The following LSG1 variants were observed in gnomAD, a reference collection of about 807,000 sequenced individuals.
The protein encoded by LSG1 is large subunit GTPase 1 homolog.
LSG1 carries 55 observed loss-of-function variants against 82.6 expected under a neutral mutation model. That is an observed-to-expected ratio of 0.67 (90% CI 0.54 to 0.83). The LOEUF is 0.83. Among genes scored for constraint, LSG1 ranks in the 40% least tolerant of loss-of-function variants. LSG1 has a pLI of 0.00. For synonymous variants in LSG1, 272 were observed against 282.5 expected (o/e 0.96, Z 0.37); for missense variants, 809 against 807.9 (o/e 1.00, Z -0.02).
rs71179379 is a variant in LSG1 at position 194,644,383 on chromosome 3, AAAATAAAT to A, written c.1797+182_1797+189del. ...GACTCCGTCTCAAAAAAAAAAAATA[AAAATAAAT>A]AAATAAATAAATAAATAAATAAATA... On this transcript the variant is annotated intron_variant, in intron 13 of 13. Transcript: ENST00000265245. Among the ~76,000 whole-genome samples the A allele has an allele frequency of 1.2e-3, 161 of 132,922 alleles. 6 individuals are homozygous for A. The highest frequency in any genetic ancestry group is 5.2e-3 in the East Asian group (24 of 4,646). 87.2% of individuals were successfully genotyped at this position (132,922 alleles called of 152,430 possible).
intron 5 of LSG1, among the ~76,000 whole-genome samples, chr3:194,664,234 T>C (rs1387825686): frequency 6.6e-6 from 1 of 152,194 alleles, no homozygotes; most frequent in Non-Finnish European, 1.5e-5. Context: ...ATCACAGGTG[T>C]GAGCCACCGC....
intron 10 of LSG1, among the ~76,000 whole-genome samples, chr3:194,649,585 G>C (rs1718629885): frequency 6.6e-6 from 1 of 151,842 alleles, no homozygotes; most frequent in African/African-American, 2.4e-5. Context: ...AGCTACTCGG[G>C]AGGCTGAGGC....
At chr3:194,667,714 G>A (rs2667504) in intron 2 of LSG1, among the ~76,000 whole-genome samples, 96,594 of 150,190 alleles carry the variant, frequency 0.64, 31,783 homozygotes, top group East Asian at 0.87. Flanking sequence ...ACAAGGTCAC[G>A]AGTTCGAGAC....
chr3:194,646,060 G>GA (rs1256030735), intron 12 of LSG1, 104 bp downstream of exon 12: 1 of 1,142,548 alleles, frequency 8.8e-7, no homozygotes, highest in African/African-American at 1.5e-5. Flanking sequence ...CAGTTTCAAT[G>GA]AAAAAATATT....
At chr3:194,644,315 T>C (rs996052275) in intron 13 of LSG1, among the ~76,000 whole-genome samples, 19 of 147,128 alleles carry the variant, frequency 1.3e-4, no homozygotes, top group African/African-American at 2.7e-4. Context: ...TGAGCCAAGA[T>C]TGCGCCACTG....
chr3:194,651,387 ATATT>A, intron 8 of LSG1, 171 bp from the exon 9 acceptor site: 1 of 600,388 alleles, frequency 1.7e-6, no homozygotes, highest in Non-Finnish European at 3.0e-6. Context: ...TGGTGTGGGT[ATATT>A]TATTCAGACA....
At position 194,665,588 on chromosome 3, in the gene LSG1, A is replaced by G; in HGVS notation, c.490T>C (p.Trp164Arg). The change falls in exon 5 of 14, where the codon TGG becomes CGG. Residue 164 changes from tryptophan (W) to arginine (R), a missense_variant. Physicochemically the swap from Trp to Arg is moderately radical, Grantham distance 101 (BLOSUM62 -3). Coordinates refer to ENST00000265245, the MANE Select transcript of LSG1 (RefSeq NM_018385.3). The stretch of plus-strand genomic sequence containing the variant: ...TCAATGACTCTCCAGAGCTGGCGCC[A>G]AAAGTCCAAATTTCGTTCAAATGGA... ...LTPFERNLDF[W>R]RQLWRVIERS... The G allele has an allele frequency of 6.2e-7, 1 of 1,613,350 alleles. No homozygotes were observed. The highest frequency in any genetic ancestry group is 8.5e-7 in the Non-Finnish European group (1 of 1,179,702).
rs377130240 is a variant in LSG1 at position 194,658,961 on chromosome 3, G to A, written c.755C>T (p.Ser252Phe). 1 of 1,612,278 alleles carries A rather than the reference G, an allele frequency of 6.2e-7. No individual in the cohort carries two copies. Among genetic ancestry groups the A allele is most frequent in the African/African-American group, 1.3e-5 (1 of 74,884 alleles). ...LAGAIPLNGD[S>F]EEEANRDDRQ... ...CTAAAATGTCCCTCAGGTTACCTCA[G>A]AGTCACCATTCAGGGGAATGGCTCC... The change falls in exon 7 of 14, where the codon TCT becomes TTT. Residue 252 changes from serine (S) to phenylalanine (F), a missense_variant. Physicochemically the swap from Ser to Phe is radical, Grantham distance 155 (BLOSUM62 -2). Transcript: ENST00000265245.
chr3:194,670,069 G>C lies in LSG1; in HGVS notation c.166C>G (p.Gln56Glu). 6.2e-7 allele frequency: 1 copy of C among 1,613,724 alleles called. No homozygotes were observed. The stretch of plus-strand genomic sequence containing the variant: ...GCAAGGAAGTCATCAAGGGAGCTCT[G>C]TTCAGTCACTGACTGAAGATTAAGA... The part of the protein sequence containing the change: ...GRLNLQSVTE[Q>E]SSLDDFLATA... The change falls in exon 2 of 14, where the codon CAG becomes GAG. Residue 56 changes from glutamine (Q) to glutamate (E), a missense_variant. Physicochemically the swap from Gln to Glu is conservative, Grantham distance 29. Transcript: ENST00000265245.
At chr3:194,657,166 GA>G (rs1443111183) in intron 7 of LSG1, among the ~76,000 whole-genome samples, 2 of 119,764 alleles carry the variant, frequency 1.7e-5, no homozygotes, top group African/African-American at 6.5e-5. Flanking sequence ...AAATTAAAAA[GA>G]AAAAAAAGGC....
intron 7 of LSG1, among the ~76,000 whole-genome samples, chr3:194,657,182 T>A (rs1718808180): frequency 1.5e-5 from 1 of 68,314 alleles, no homozygotes. Context: ...AAAGGCAACC[T>A]TAAAAAAAAA....
At position 194,645,541 on chromosome 3, in the gene LSG1, C is replaced by CACACACAG. The variant is rs1718517107; in HGVS notation, c.1623+622_1623+623insCTGTGTGT. Reference sequence around the variant, plus strand: ...ACACACACACACACAGACAGACACACACACACACACACACACACACACACA... The same window carrying CACACACAG: ...ACACACACACACACAGACAGACACACACACACAGACACACACACACACACACACACACA... On this transcript the variant is annotated intron_variant, in intron 12 of 13. Coordinates refer to ENST00000265245, the MANE Select transcript of LSG1 (RefSeq NM_018385.3). 3.4e-4 allele frequency: 14 copies of CACACACAG among 40,742 alleles called. 1 individual carries two copies. Among genetic ancestry groups the CACACACAG allele is most frequent in the African/African-American group, 1.1e-3 (12 of 10,522 alleles). The allele number at this position is 40,742 out of a possible 1,614,324, so 2.5% of individuals were successfully genotyped here. A position where few individuals can be genotyped will look rare whatever the true frequency, so the allele number is the denominator to read the frequency against.
intron 5 of LSG1, among the ~76,000 whole-genome samples, chr3:194,665,252 G>A (rs984484924): frequency 1.2e-4 from 18 of 152,114 alleles, no homozygotes; most frequent in Admixed American, 5.9e-4. Context: ...ACTCTTTTTC[G>A]TATCCATATT....
chr3:194,650,469 G>A (rs895702918), intron 10 of LSG1, among the ~76,000 whole-genome samples: 1 of 152,172 alleles, frequency 6.6e-6, no homozygotes, highest in Non-Finnish European at 1.5e-5. Context: ...AAGGTATTTG[G>A]TAAGGGTTTA....
chr3:194,642,251 G>C lies in LSG1; in HGVS notation c.1798-4C>G, dbSNP rs1226491778. On this transcript the variant is annotated splice_region_variant and splice_polypyrimidine_tract_variant and intron_variant, in intron 13 of 13. Transcript: ENST00000265245. The stretch of plus-strand genomic sequence containing the variant: ...TGGTCAAAGCCCTCACATTCTCCTA[G>C]GAAATAAGAGAAAACATTATCTGAG... 1 of 1,609,872 alleles carries C rather than the reference G, an allele frequency of 6.2e-7. No individual in the cohort carries two copies. Among genetic ancestry groups the C allele is most frequent in the Non-Finnish European group, 8.5e-7 (1 of 1,178,012 alleles).
At chr3:194,658,279 C>T (rs567089057) in intron 7 of LSG1, among the ~76,000 whole-genome samples, 1 of 152,184 alleles carries the variant, frequency 6.6e-6, no homozygotes, top group East Asian at 1.9e-4. Context: ...TCCCGAGTAG[C>T]TGGGATTACA....
chr3:194,660,400 T>C (rs1189000225), intron 5 of LSG1, among the ~76,000 whole-genome samples: 2 of 152,178 alleles, frequency 1.3e-5, no homozygotes, highest in African/African-American at 4.8e-5. Flanking sequence ...CTCTTAATCA[T>C]AACATGCTAT....
chr3:194,659,969 A>C, intron 6 of LSG1, 104 bp downstream of exon 6: 3 of 985,576 alleles, frequency 3.0e-6, no homozygotes, highest in Non-Finnish European at 4.8e-6. Context: ...CACTAAACGA[A>C]GCCAGAGAGG....
intron 7 of LSG1, among the ~76,000 whole-genome samples, chr3:194,656,331 G>C (rs910372596): frequency 6.8e-6 from 1 of 147,248 alleles, no homozygotes; most frequent in African/African-American, 2.5e-5. Context: ...TCAAAAAGCG[G>C]GTGAAGGATA....
Sources: gnomAD v4.1 joint callset for allele counts (sites outside exome capture counted in the v4.1 genomes callset) on GRCh38, gnomAD v4.1.1 for gene constraint, MANE v1.5 for transcripts, NCBI Gene and HGNC (gene_info 2026-07-23, HGNC 2026-07-21) for gene names.